ZNF341: variants seen among roughly 807,000 people sequenced by gnomAD.
ZNF341 encodes the protein zinc finger protein 341.
Under a neutral mutation model 87.7 loss-of-function variants are expected in ZNF341, and 52 were observed. That is an observed-to-expected ratio of 0.59 (90% confidence interval 0.47 to 0.75). The LOEUF (loss-of-function observed/expected upper bound fraction) is 0.75, where lower values mean the gene tolerates loss of function less well. Ranked by LOEUF, ZNF341 falls within the 30% of genes least tolerant of loss-of-function variation. ZNF341 has a pLI of 0.00. For missense variants in ZNF341, 977 were observed against 1,145.9 expected (o/e 0.85, Z 2.13); for synonymous variants, 459 against 472.7 (o/e 0.97, Z 0.38).
intron 1 of ZNF341, among the ~76,000 whole-genome samples, chr20:33,738,132 C>A: frequency 7.2e-6 from 1 of 139,194 alleles, no homozygotes. Flanking sequence ...AGTGAAACTC[C>A]ATCTCAAAAA....
At chr20:33,768,130 T>C (rs1346800758) in intron 9 of ZNF341, among the ~76,000 whole-genome samples, 2 of 151,262 alleles carry the variant, frequency 1.3e-5, no homozygotes, top group African/African-American at 4.9e-5. Context: ...TCAAGTGTTT[T>C]TTTTTTCCCC....
intron 4 of ZNF341, among the ~76,000 whole-genome samples, chr20:33,749,909 C>T (rs902633240): frequency 6.6e-6 from 1 of 151,598 alleles, no homozygotes; most frequent in African/African-American, 2.4e-5. Flanking sequence ...TGCGCCACCA[C>T]GCCCAGCTGA....
At chr20:33,768,970 A>G (rs1404813584) in intron 9 of ZNF341, among the ~76,000 whole-genome samples, 5 of 152,202 alleles carry the variant, frequency 3.3e-5, no homozygotes, top group African/African-American at 9.7e-5. Flanking sequence ...GAGGCCATGG[A>G]TAGCTATGCC....
intron 12 of ZNF341, chr20:33,788,547 T>C (rs1337050758): frequency 1.0e-5 from 4 of 397,586 alleles, no homozygotes; most frequent in African/African-American, 2.1e-5. Context: ...CTCCCTGTTG[T>C]TCATCAGCAC....
intron 13 of ZNF341, among the ~76,000 whole-genome samples, chr20:33,789,262 C>T (rs894743747): frequency 2.6e-5 from 4 of 152,048 alleles, no homozygotes; most frequent in Admixed American, 2.0e-4. Flanking sequence ...AGGCTGGTCT[C>T]GAGCTCCTGA....
chr20:33,766,729 G>C lies in ZNF341; in HGVS notation c.1223-122G>C, dbSNP rs2019413907. The C allele has an allele frequency of 2.9e-6, 3 of 1,043,954 alleles. No homozygotes were observed. In the Admixed American group the frequency reaches 6.8e-5, roughly 24 times the overall value. 64.7% of individuals were successfully genotyped at this position (1,043,954 alleles called of 1,614,324 possible). A position where few individuals can be genotyped will look rare whatever the true frequency, so the allele number is the denominator to read the frequency against. On this transcript the variant is annotated intron_variant, in intron 8 of 14. Coordinates refer to ENST00000375200, the MANE Select transcript of ZNF341 (RefSeq NM_001282933.2). ...GTGTGAGTGCAGCACCTTAAGCACA[G>C]AGTCTGACCCAAAGCGAGTAGCAGG...
rs143170452 is a variant in ZNF341, at chr20:33,775,086, G to A, written c.1622+4794G>A. On this transcript the variant is annotated intron_variant, in intron 10 of 14. Transcript: ENST00000375200. ...TTACTTCTGTCATCTCCCATTGTTG[G>A]TTAGTGAGGTTATTTTCAGTTTGTC... Among the ~76,000 whole-genome samples the A allele has an allele frequency of 2.0e-3, 301 of 152,234 alleles. 1 individual carries two copies. Among genetic ancestry groups the A allele is most frequent in the South Asian group, 3.9e-3 (19 of 4,824 alleles).
chr20:33,735,939 T>A (rs1434428669), intron 1 of ZNF341, among the ~76,000 whole-genome samples: 1 of 151,932 alleles, frequency 6.6e-6, no homozygotes, highest in Non-Finnish European at 1.5e-5. Context: ...TGTATACCAT[T>A]GAGATGGGCT....
intron 1 of ZNF341, among the ~76,000 whole-genome samples, chr20:33,739,446 G>C (rs1308442234): frequency 6.6e-6 from 1 of 152,216 alleles, no homozygotes; most frequent in South Asian, 2.1e-4. Flanking sequence ...ATGTGAGGAG[G>C]CCTGTCATCC....
At chr20:33,787,148 A>G (rs2019884470) in intron 12 of ZNF341, 1 of 151,766 alleles carries the variant, frequency 6.6e-6, no homozygotes, top group South Asian at 2.1e-4. Flanking sequence ...ACACCTCCCC[A>G]TCTTTCTTCC....
intron 9 of ZNF341, 89 bp downstream of exon 9, chr20:33,767,130 T>C: frequency 1.4e-6 from 2 of 1,447,944 alleles, no homozygotes; most frequent in Non-Finnish European, 1.9e-6. Flanking sequence ...TAGAAAGGGG[T>C]AGGAACCAGT....
chr20:33,741,524 C>G (rs1461061687), intron 2 of ZNF341, among the ~76,000 whole-genome samples: 1 of 152,138 alleles, frequency 6.6e-6, no homozygotes, highest in Non-Finnish European at 1.5e-5. Context: ...ATACCTCAGC[C>G]TCCTGCGTAG....
Position 33,745,150 on chromosome 20 carries a change from T to C in ZNF341, c.190T>C (p.Ser64Pro). The C allele has an allele frequency of 6.2e-7, 1 of 1,613,980 alleles. No individual in the cohort carries two copies. The highest frequency in any genetic ancestry group is 8.5e-7 in the Non-Finnish European group (1 of 1,179,884). Residue 64 changes from serine (S) to proline (P), a missense_variant, in exon 3 of 15, where the codon TCG becomes CCG. This residue lies in a region of ZNF341 where 515 missense variants were observed against 598.2 expected (regional missense o/e 0.86). Transcript: ENST00000375200. The stretch of plus-strand genomic sequence containing the variant: ...CGGGAAGTGTAAGAAGCAATTCAAC[T>C]CGCTGCCAGCGTTTATGACCCACAA... ...LCGKCKKQFN[S>P]LPAFMTHKRE...
At chr20:33,780,799 T>G (rs1342412652) in intron 10 of ZNF341, among the ~76,000 whole-genome samples, 1 of 151,718 alleles carries the variant, frequency 6.6e-6, no homozygotes, top group Non-Finnish European at 1.5e-5. Flanking sequence ...TCACTGTAAC[T>G]TCAAAACCCC....
Position 33,740,918 on chromosome 20 carries a change from C to G in ZNF341, c.48C>G (p.Thr16=), listed in dbSNP as rs774864209. The change falls in exon 2 of 15, where the codon ACC becomes ACG. Residue 16 remains threonine, a synonymous_variant. Coordinates refer to ENST00000375200, the MANE Select transcript of ZNF341 (RefSeq NM_001282933.2). The part of the protein sequence containing the change: ...FEALEGMDNQ[T]VLAVQSLLDG... ...TTTTTTCAGGAATGGACAATCAGAC[C>G]GTTCTGGCTGTCCAGTCATTATTGG... 1 of 1,614,124 alleles carries G rather than the reference C, an allele frequency of 6.2e-7. No homozygotes were observed.
Position 33,781,383 on chromosome 20 carries a change from A to G in ZNF341, c.1715A>G (p.Gln572Arg), listed in dbSNP as rs2019739758. The G allele has an allele frequency of 6.2e-7, 1 of 1,613,908 alleles. No homozygotes were observed. The change falls in exon 11 of 15, where the codon CAG (glutamine) becomes CGG (arginine). Residue 572 changes from glutamine to arginine, a missense_variant. Around this residue, in one of 3 missense-constraint regions of ZNF341, gnomAD observed 241 missense variants for 335.0 expected, o/e 0.72. Transcript: ENST00000375200. ...ATHNFPCPHC[Q>R]KVFPCERYLR... ...CACAACTTCCCCTGCCCACACTGCC[A>G]GAAGGTGGGTGCCACTGTCCTCTTT...
At chr20:33,783,601 G>A in intron 11 of ZNF341, 131 bp from the exon 12 acceptor site, 1 of 1,291,874 alleles carries the variant, frequency 7.7e-7, no homozygotes, top group South Asian at 1.3e-5. Context: ...GACATTCTGG[G>A]TCCTGGCCCC....
intron 10 of ZNF341, among the ~76,000 whole-genome samples, chr20:33,772,633 G>A (rs1230075047): frequency 6.6e-6 from 1 of 152,176 alleles, no homozygotes; most frequent in East Asian, 1.9e-4. Context: ...GGATGAATAG[G>A]AGTTTGCCAG....
At chr20:33,753,745 C>A (rs1419959892) in intron 5 of ZNF341, among the ~76,000 whole-genome samples, 1 of 152,122 alleles carries the variant, frequency 6.6e-6, no homozygotes, top group East Asian at 1.9e-4. Context: ...AAAAAAGATT[C>A]AAAAAAATTA....
Sources: gnomAD v4.1 joint callset for allele counts (sites outside exome capture counted in the v4.1 genomes callset) on GRCh38, gnomAD v4.1.1 for gene constraint, gnomAD v4.1.1 regional missense constraint, MANE v1.5 for transcripts, NCBI Gene and HGNC (gene_info 2026-07-23, HGNC 2026-07-21) for gene names.